LCK: variants seen among roughly 807,000 people sequenced by gnomAD.
LCK encodes the protein tyrosine-protein kinase Lck.
A neutral mutation model predicts 64.6 loss-of-function variants in LCK; 14 were observed. The observed-to-expected ratio is 0.22, with a 90% CI of 0.14 to 0.34. LCK has a LOEUF of 0.34. LCK is among the 10% of genes least tolerant of loss of function. LCK has a pLI of 1.00. For missense variants in LCK, 434 were observed against 668.1 expected, an observed-to-expected ratio of 0.65 and a Z score of 3.86; for synonymous variants, 277 against 263.6, an observed-to-expected ratio of 1.05 and a Z score of -0.49.
chr1:32,275,160 C>T lies in LCK; in HGVS notation c.278+77C>T, dbSNP rs1417313475. On this transcript the variant is annotated intron_variant, in intron 4 of 12. Transcript: ENST00000336890. This position sits in a 1 kb window ranked among gnomAD's most constrained non-coding sequence, Gnocchi z 6.9. The stretch of plus-strand genomic sequence containing the variant: ...TCCGCGACCCGCAGCCCTCCTGCGG[C>T]CCTTGACCAGCTCGGGGTGGCCGCC... 5 of 1,489,538 alleles carry T rather than the reference C, an allele frequency of 3.4e-6. No homozygotes were observed. The highest frequency in any genetic ancestry group is 3.7e-6 in the Non-Finnish European group (4 of 1,078,238). The allele number at this position is 1,489,538 out of a possible 1,614,324, so 92.3% of individuals were successfully genotyped here.
At chr1:32,255,795 AATTT>A (rs1553151517) in intron 1 of LCK, among the ~76,000 whole-genome samples, 1 of 135,912 alleles carries the variant, frequency 7.4e-6, no homozygotes, top group African/African-American at 3.0e-5. Context: ...GTACCCATTA[AATTT>A]ATTTTTTTTT....
chr1:32,275,910 T>A lies in LCK; in HGVS notation c.482-4T>A. Reference sequence around the variant, plus strand: ...TCGCTTTGTCCATCCATTCATTCATTCAGGATCGTTTTCACTGTCGGTCCG... The same window carrying A: ...TCGCTTTGTCCATCCATTCATTCATACAGGATCGTTTTCACTGTCGGTCCG... On this transcript the variant is annotated splice_polypyrimidine_tract_variant and splice_region_variant and intron_variant, in intron 6 of 12. Coordinates refer to ENST00000336890, the MANE Select transcript of LCK (RefSeq NM_005356.5). The surrounding 1 kb of genome is among the most constrained non-coding windows in gnomAD (Gnocchi z 6.9). 1 of 1,614,082 alleles carries A rather than the reference T, an allele frequency of 6.2e-7. No individual in the cohort carries two copies. The highest frequency in any genetic ancestry group is 8.5e-7 in the Non-Finnish European group (1 of 1,179,960).
Position 32,280,123 on chromosome 1 carries a change from T to C in LCK, c.1240T>C (p.Tyr414His), listed in dbSNP as rs61781208. 5 of 1,614,078 alleles carry C rather than the reference T, an allele frequency of 3.1e-6. No homozygotes were observed. Among genetic ancestry groups the C allele is most frequent in the Non-Finnish European group, 4.2e-6 (5 of 1,180,044 alleles). Residue 414 changes from tyrosine to histidine, a missense_variant, in exon 12 of 13, where the codon TAC (tyrosine) becomes CAC (histidine). Coordinates refer to ENST00000336890, the MANE Select transcript of LCK (RefSeq NM_005356.5). ...IKWTAPEAINYGTFTIKSDVW... is the reference protein window; with the variant it reads ...IKWTAPEAINHGTFTIKSDVW... ...GTGGACAGCGCCAGAAGCCATTAAC[T>C]ACGGGACATTCACCATCAAGTCAGA...
chr1:32,255,298 G>C (rs767847032), intron 1 of LCK, among the ~76,000 whole-genome samples: 13 of 152,132 alleles, frequency 8.5e-5, no homozygotes, highest in Non-Finnish European at 1.5e-4. Context: ...GATAATAATA[G>C]CACTTCATAG....
chr1:32,266,332 A>G (rs1338195708), intron 1 of LCK, among the ~76,000 whole-genome samples: 2 of 151,100 alleles, frequency 1.3e-5, no homozygotes, highest in African/African-American at 2.4e-5. Context: ...CTCTACTAAA[A>G]ATACAAAAAA....
At chr1:32,258,816 A>C (rs1437896134) in intron 1 of LCK, among the ~76,000 whole-genome samples, 4 of 151,248 alleles carry the variant, frequency 2.6e-5, no homozygotes, top group East Asian at 1.9e-4. Flanking sequence ...AAAAAAAAAA[A>C]AAAAAAACCC....
rs573143164 is a variant in LCK at position 32,279,927 on chromosome 1, G to A, written c.1128G>A (p.Leu376=). 9.3e-6 allele frequency: 15 copies of A among 1,614,180 alleles called. No individual in the cohort carries two copies. The African/African-American group carries it at 1.5e-4, about 16-fold the overall frequency. Residue 376 remains leucine, a synonymous_variant, in exon 11 of 13, where the codon CTG becomes CTA. Coordinates refer to ENST00000336890, the MANE Select transcript of LCK (RefSeq NM_005356.5). ...CCAACATTCTGGTGTCTGACACCCT[G>A]AGCTGCAAGATTGCAGACTTTGGCC... The part of the protein sequence containing the change: ...RAANILVSDT[L]SCKIADFGLA...
At position 32,251,471 on chromosome 1, in the gene LCK, C is replaced by T. The variant is rs943711018; in HGVS notation, c.-6+100C>T. 1 of 152,568 alleles carries T rather than the reference C, an allele frequency of 6.6e-6. No homozygotes were observed. The highest frequency in any genetic ancestry group is 2.4e-5 in the African/African-American group (1 of 41,466). 9.5% of individuals were successfully genotyped at this position (152,568 alleles called of 1,614,324 possible). ...CCCAGGCTCCCTAGGGATGCAGCAG[C>T]CCTTTGTGGCTGGGGAGAGAAGATC... On this transcript the variant is annotated intron_variant, in intron 1 of 12. Transcript: ENST00000336890. This position sits in a 1 kb window ranked among gnomAD's most constrained non-coding sequence, Gnocchi z 4.0.
intron 1 of LCK, among the ~76,000 whole-genome samples, chr1:32,271,705 C>A (rs1640085427): frequency 6.6e-6 from 1 of 152,204 alleles, no homozygotes; most frequent in South Asian, 2.1e-4. Flanking sequence ...ATTAGGCTTG[C>A]TGGTTTCTAA....
At chr1:32,255,537 T>G (rs571092441) in intron 1 of LCK, among the ~76,000 whole-genome samples, 1 of 152,340 alleles carries the variant, frequency 6.6e-6, no homozygotes, top group South Asian at 2.1e-4. Context: ...GGTAAATGGT[T>G]AACGGTGGTG....
chr1:32,255,820 T>TTTTTTTA (rs1639618405), intron 1 of LCK, among the ~76,000 whole-genome samples: 1 of 145,618 alleles, frequency 6.9e-6, no homozygotes, highest in African/African-American at 2.5e-5. Flanking sequence ...TTTTTTTTTT[T>TTTTTTTA]GAGACAGTGT....
chr1:32,273,695 C>A (rs149490811), intron 1 of LCK, among the ~76,000 whole-genome samples: 567 of 151,044 alleles, frequency 3.8e-3, no homozygotes, highest in African/African-American at 0.011. Context: ...GGCAAATAAA[C>A]AAAAAAAAAG....
At chr1:32,269,163 A>C (rs1278432719) in intron 1 of LCK, among the ~76,000 whole-genome samples, 1 of 148,536 alleles carries the variant, frequency 6.7e-6, no homozygotes, top group Non-Finnish European at 1.5e-5. Flanking sequence ...TAGGCTGGGC[A>C]TGGTGGTTCA....
At chr1:32,268,669 C>A (rs760994950) in intron 1 of LCK, among the ~76,000 whole-genome samples, 1 of 151,606 alleles carries the variant, frequency 6.6e-6, no homozygotes, top group Non-Finnish European at 1.5e-5. Context: ...CAAAATTAGC[C>A]GGGCGTGGTG....
chr1:32,274,464 G>A, intron 2 of LCK, 30 bp downstream of exon 2: 1 of 1,572,210 alleles, frequency 6.4e-7, no homozygotes, highest in Non-Finnish European at 8.7e-7. Context: ...CCTTGGTGAG[G>A]GAGTTGGGTA....
At position 32,275,228 on chromosome 1, in the gene LCK, G is replaced by C. The variant is rs578188691; in HGVS notation, c.279-93G>C. The C allele has an allele frequency of 4.7e-5, 69 of 1,483,634 alleles. No individual in the cohort carries two copies. In the Admixed American group the frequency reaches 1.2e-3, roughly 25 times the overall value. 91.9% of individuals were successfully genotyped at this position (1,483,634 alleles called of 1,614,324 possible). On this transcript the variant is annotated intron_variant, in intron 4 of 12. Transcript: ENST00000336890. This position sits in a 1 kb window ranked among gnomAD's most constrained non-coding sequence, Gnocchi z 6.9. ...GGCTCAGTATTGCTGAGCCAGGGTTGGGGGAGGCTGGCTTAAGGGGTGGAG... is the reference window on the plus strand; with the variant it reads ...GGCTCAGTATTGCTGAGCCAGGGTTCGGGGAGGCTGGCTTAAGGGGTGGAG...
At chr1:32,280,259 A>G (rs767438100) in intron 12 of LCK, 49 bp downstream of exon 12, 6 of 1,604,926 alleles carry the variant, frequency 3.7e-6, no homozygotes, top group Non-Finnish European at 4.3e-6. Context: ...GGGCAAGTCC[A>G]TGTCTTCCCA....
chr1:32,280,333 G>T (rs993430046), intron 12 of LCK, 123 bp downstream of exon 12: 5 of 1,296,150 alleles, frequency 3.9e-6, no homozygotes, highest in Non-Finnish European at 4.2e-6. Flanking sequence ...CTTCTCAGGG[G>T]TATGAGTCCA....
At chr1:32,272,930 A>T (rs1230135499) in intron 1 of LCK, among the ~76,000 whole-genome samples, 1 of 121,390 alleles carries the variant, frequency 8.2e-6, no homozygotes, top group Non-Finnish European at 1.7e-5. Flanking sequence ...GTGTGTATGA[A>T]TGTGTGTTGG....
Sources: gnomAD v4.1 joint callset for allele counts (sites outside exome capture counted in the v4.1 genomes callset) on GRCh38, gnomAD v4.1.1 for gene constraint, Gnocchi (gnomAD v3.1) non-coding constraint, MANE v1.5 for transcripts, NCBI Gene and HGNC (gene_info 2026-07-23, HGNC 2026-07-21) for gene names.